SAMD12: variants seen among roughly 807,000 people sequenced by gnomAD.
The protein encoded by SAMD12 is sterile alpha motif domain containing 12, also known as sterile alpha motif domain-containing protein 12.
SAMD12 carries 9 observed loss-of-function variants against 15.0 expected under a neutral mutation model. That is an observed-to-expected ratio of 0.60 (90% CI 0.36 to 1.05). The LOEUF (loss-of-function observed/expected upper bound fraction) is 1.05, where lower values mean the gene tolerates loss of function less well. Ranked by LOEUF, SAMD12 falls within the 50% of genes least tolerant of loss-of-function variation. The pLI is 0.01. For missense variants in SAMD12, 230 were observed against 234.2 expected (o/e 0.98, Z 0.12); for synonymous variants, 86 against 90.1 (o/e 0.96, Z 0.25).
At chr8:118,430,768 A>G (rs73311802) in intron 3 of SAMD12, among the ~76,000 whole-genome samples, 4,229 of 152,186 alleles carry the variant, frequency 0.028, 197 homozygotes, top group African/African-American at 0.097. Context: ...ATCTTTCTCC[A>G]ATACTTTACT....
chr8:118,285,994 A>G (rs1355754541), intron 4 of SAMD12, among the ~76,000 whole-genome samples: 1 of 152,194 alleles, frequency 6.6e-6, no homozygotes, highest in Non-Finnish European at 1.5e-5. Flanking sequence ...GCCATAAAAA[A>G]TGATGAGTTC....
chr8:118,434,206 G>A (rs1822505809), intron 3 of SAMD12, among the ~76,000 whole-genome samples: 1 of 152,134 alleles, frequency 6.6e-6, no homozygotes, highest in Non-Finnish European at 1.5e-5. Flanking sequence ...AAAAGGAAAA[G>A]AAGTACAAGT....
intron 1 of SAMD12, among the ~76,000 whole-genome samples, chr8:118,615,044 A>G (rs1781461271): frequency 6.6e-6 from 1 of 152,204 alleles, no homozygotes; most frequent in Non-Finnish European, 1.5e-5. Context: ...GGCAGATAAT[A>G]GAGCCCTTAG....
chr8:118,391,840 G>T (rs1297302817), intron 3 of SAMD12, among the ~76,000 whole-genome samples: 1 of 151,884 alleles, frequency 6.6e-6, no homozygotes, highest in African/African-American at 2.4e-5. Context: ...ACCCAGAAAT[G>T]TAAGACCAGC....
intron 2 of SAMD12, among the ~76,000 whole-genome samples, chr8:118,559,677 GTA>G (rs1826651382): frequency 1.3e-5 from 2 of 152,284 alleles, no homozygotes; most frequent in East Asian, 3.9e-4. Flanking sequence ...AGTGTTTGCT[GTA>G]ATTAAAAACA....
At chr8:118,144,678 T>A in the SAMD12 span, among the ~76,000 whole-genome samples, 1 of 148,730 alleles carries the variant, frequency 6.7e-6, no homozygotes. Flanking sequence ...GCAAGGAAGG[T>A]GGGAAAAGGG....
chr8:118,504,590 A>G (rs1263172127), intron 2 of SAMD12, among the ~76,000 whole-genome samples: 1 of 152,212 alleles, frequency 6.6e-6, no homozygotes, highest in East Asian at 1.9e-4. Flanking sequence ...TTTACTTAGA[A>G]AAAGTGTCTT....
chr8:118,582,618 A>C (rs1827324454), intron 1 of SAMD12, among the ~76,000 whole-genome samples: 1 of 152,158 alleles, frequency 6.6e-6, no homozygotes, highest in Non-Finnish European at 1.5e-5. Flanking sequence ...TGAATCTCAA[A>C]TGATCTTCAT....
chr8:118,537,826 T>C (rs1586798686), intron 2 of SAMD12, among the ~76,000 whole-genome samples: 2 of 152,320 alleles, frequency 1.3e-5, no homozygotes, highest in South Asian at 4.1e-4. Flanking sequence ...AGTCCTTTTG[T>C]TGAGGTAATG....
downstream of SAMD12, among the ~76,000 whole-genome samples, chr8:118,184,798 C>T (rs1819215529): frequency 6.6e-6 from 1 of 152,062 alleles, no homozygotes; most frequent in African/African-American, 2.4e-5. Context: ...AAGCCTGGCT[C>T]CCTCTTTAAA....
intron 4 of SAMD12, among the ~76,000 whole-genome samples, chr8:118,327,599 T>C (rs542600190): frequency 8.5e-5 from 13 of 152,298 alleles, no homozygotes; most frequent in Non-Finnish European, 1.3e-4. Context: ...TTGAAATTAA[T>C]TCTCTGATAC....
chr8:118,149,348 G>A, the SAMD12 span, among the ~76,000 whole-genome samples: 11 of 152,346 alleles, frequency 7.2e-5, 1 homozygote, highest in South Asian at 2.3e-3. Context: ...TAGATGTGAA[G>A]TGATGGCTCA....
intron 2 of SAMD12, among the ~76,000 whole-genome samples, chr8:118,523,994 T>A (rs1000846758): frequency 1.3e-5 from 2 of 152,154 alleles, no homozygotes; most frequent in Non-Finnish European, 2.9e-5. Context: ...AATTTCTCCC[T>A]CTTGATGAGA....
intron 2 of SAMD12, among the ~76,000 whole-genome samples, chr8:118,565,192 G>T (rs1033647008): frequency 3.3e-5 from 5 of 152,162 alleles, no homozygotes; most frequent in African/African-American, 1.2e-4. Flanking sequence ...GCTCATCCCA[G>T]TAGCCCTATT....
chr8:118,544,380 G>A (rs1168953151), intron 2 of SAMD12, among the ~76,000 whole-genome samples: 1 of 152,106 alleles, frequency 6.6e-6, no homozygotes, highest in Admixed American at 6.6e-5. Flanking sequence ...GCAGTAGCTT[G>A]GGAAGTGGGG....
the SAMD12 span, among the ~76,000 whole-genome samples, chr8:118,156,029 A>G: frequency 6.6e-6 from 1 of 152,170 alleles, no homozygotes; most frequent in South Asian, 2.1e-4. Context: ...TGCATGATTT[A>G]TTTTCAGTCT....
chr8:118,347,764 T>C (rs1285670640), intron 4 of SAMD12, among the ~76,000 whole-genome samples: 1 of 152,244 alleles, frequency 6.6e-6, no homozygotes, highest in Non-Finnish European at 1.5e-5. Context: ...GCTTCAGTTT[T>C]CACCATCATC....
At chr8:118,236,926 G>A (rs1033482281) in intron 4 of SAMD12, among the ~76,000 whole-genome samples, 2 of 152,162 alleles carry the variant, frequency 1.3e-5, no homozygotes, top group Non-Finnish European at 2.9e-5. Context: ...AAGACCAAAG[G>A]GCAGAAGGGA....
At chr8:118,473,808 T>G (rs1007167686) in intron 2 of SAMD12, among the ~76,000 whole-genome samples, 3 of 152,128 alleles carry the variant, frequency 2.0e-5, no homozygotes, top group African/African-American at 7.2e-5. Context: ...TGGCACACTC[T>G]CTAGAATTTT....
Sources: gnomAD v4.1 joint callset for allele counts (sites outside exome capture counted in the v4.1 genomes callset) on GRCh38, gnomAD v4.1.1 for gene constraint, MANE v1.5 for transcripts, NCBI Gene and HGNC (gene_info 2026-07-23, HGNC 2026-07-21) for gene names.